CHL1: variants seen among roughly 807,000 people sequenced by gnomAD.
The protein encoded by CHL1 is cell adhesion molecule L1 like, also known as neural cell adhesion molecule L1-like protein.
CHL1 carries 96 observed loss-of-function variants against 141.9 expected under a neutral mutation model. The observed-to-expected ratio is 0.68, with a 90% CI of 0.57 to 0.80. The LOEUF is 0.80. Ranked by LOEUF, CHL1 falls within the 30% of genes least tolerant of loss-of-function variation. The pLI is 0.00. For synonymous variants in CHL1, 613 were observed against 502.2 expected (o/e 1.22, Z -2.95); for missense variants, 1,820 against 1,457.2 (o/e 1.25, Z -4.05).
chr3:391,858 T>C, intron 23 of CHL1, 61 bp downstream of exon 23: 3 of 1,349,244 alleles, frequency 2.2e-6, no homozygotes, highest in Non-Finnish European at 1.0e-6. Flanking sequence ...TTGAATATTC[T>C]CTGTGCTATG....
chr3:275,986 C>G (rs757450732), intron 2 of CHL1, among the ~76,000 whole-genome samples: 82 of 151,852 alleles, frequency 5.4e-4, no homozygotes, highest in Admixed American at 2.8e-3. Flanking sequence ...AAACTTAGAA[C>G]TTGAATGTTT....
At chr3:203,428 C>T (rs1288317664) in intron 1 of CHL1, among the ~76,000 whole-genome samples, 2 of 152,250 alleles carry the variant, frequency 1.3e-5, no homozygotes, top group Admixed American at 6.5e-5. Flanking sequence ...TCTTGAAAGA[C>T]ATATCTTCGC....
At chr3:234,191 G>GTATA (rs72470006) in intron 1 of CHL1, among the ~76,000 whole-genome samples, 437 of 143,620 alleles carry the variant, frequency 3.0e-3, no homozygotes, top group Admixed American at 6.6e-3. Flanking sequence ...ATGTGTGTGT[G>GTATA]TGTATATATA....
At chr3:252,400 A>ATATATT (rs1211678687) in intron 2 of CHL1, among the ~76,000 whole-genome samples, 1 of 138,940 alleles carries the variant, frequency 7.2e-6, no homozygotes, top group Non-Finnish European at 1.6e-5. Context: ...ATATATATAT[A>ATATATT]TTTCTATTTT....
At chr3:314,588 C>T (rs1350320729) in intron 2 of CHL1, among the ~76,000 whole-genome samples, 1 of 151,698 alleles carries the variant, frequency 6.6e-6, no homozygotes, top group Non-Finnish European at 1.5e-5. Flanking sequence ...GTTCAGCTGA[C>T]AGGTTAGTAG....
At chr3:262,956 T>C (rs1311132566) in intron 2 of CHL1, among the ~76,000 whole-genome samples, 1 of 152,192 alleles carries the variant, frequency 6.6e-6, no homozygotes. Context: ...TAGGTATTAA[T>C]CCTTAATGAC....
intron 1 of CHL1, among the ~76,000 whole-genome samples, chr3:210,897 G>T (rs1034876581): frequency 6.6e-6 from 1 of 152,208 alleles, no homozygotes; most frequent in Non-Finnish European, 1.5e-5. Flanking sequence ...AAGTGCCCTG[G>T]TTTTGTCTGG....
rs749904904 is a variant in CHL1 at position 377,877 on chromosome 3, T to C, written c.1811T>C (p.Ile604Thr). Residue 604 changes from isoleucine to threonine, a missense_variant, in exon 16 of 28, where the codon ATT becomes ACT. By Grantham distance (89) the Ile-to-Thr change is moderately conservative (BLOSUM62 -1). Coordinates refer to ENST00000256509, the MANE Select transcript of CHL1 (RefSeq NM_006614.4). Reference protein sequence around the residue: ...ISNVTLEDQGIYCCSAHTALD... With the variant: ...ISNVTLEDQGTYCCSAHTALD... The stretch of plus-strand genomic sequence containing the variant: ...AATGTAACTTTAGAGGACCAAGGTA[T>C]TTACTGCTGTTCAGCTCATACTGCT... 1 of 1,612,512 alleles carries C rather than the reference T, an allele frequency of 6.2e-7. No homozygotes were observed. Among genetic ancestry groups the C allele is most frequent in the African/African-American group, 1.3e-5 (1 of 74,878 alleles).
chr3:228,379 C>G (rs1701554258), intron 1 of CHL1, among the ~76,000 whole-genome samples: 1 of 152,056 alleles, frequency 6.6e-6, no homozygotes, highest in Non-Finnish European at 1.5e-5. Context: ...CTATTTCCTT[C>G]TTAAACTTTG....
intron 6 of CHL1, among the ~76,000 whole-genome samples, chr3:341,435 G>A (rs1702340683): frequency 1.3e-5 from 2 of 152,256 alleles, no homozygotes; most frequent in South Asian, 4.1e-4. Context: ...CCAGACATCA[G>A]TTCCCCTAGA....
chr3:400,699 G>A (rs980043305), intron 26 of CHL1, among the ~76,000 whole-genome samples: 1 of 151,586 alleles, frequency 6.6e-6, no homozygotes, highest in Admixed American at 6.6e-5. Context: ...CTACTCGGGA[G>A]GCTGAGGCAG....
At chr3:320,756 G>C (rs961066320) in intron 3 of CHL1, among the ~76,000 whole-genome samples, 1 of 151,952 alleles carries the variant, frequency 6.6e-6, no homozygotes, top group Non-Finnish European at 1.5e-5. Flanking sequence ...AGTATATCAA[G>C]TCTGCCATGT....
chr3:352,223 G>A (rs150216508), intron 10 of CHL1, among the ~76,000 whole-genome samples: 380 of 152,170 alleles, frequency 2.5e-3, no homozygotes, highest in African/African-American at 8.8e-3. Flanking sequence ...TTTCTAAAAT[G>A]TTGCGATTAA....
At chr3:248,641 T>C (rs1277765700) in intron 2 of CHL1, 2 of 152,158 alleles carry the variant, frequency 1.3e-5, no homozygotes, top group East Asian at 3.9e-4. Context: ...AAGATTTTAA[T>C]AGGCTCAAGC....
intron 2 of CHL1, among the ~76,000 whole-genome samples, chr3:299,931 T>C (rs1255163675): frequency 3.3e-5 from 5 of 152,190 alleles, no homozygotes; most frequent in African/African-American, 7.2e-5. Context: ...AGATTGCAGC[T>C]CCTGGCACCT....
chr3:405,644 G>C lies in CHL1; in HGVS notation c.3608G>C (p.Gly1203Ala), dbSNP rs771416258. ...GGATCATTTATTGGTGCCTACGCTG[G>C]ATCTAAGGAGAAGGGATCTGTTGAA... ...EDGSFIGAYA[G>A]SKEKGSVESN... is the part of the protein sequence containing the mutation. The change falls in exon 28 of 28, where the codon GGA (glycine) becomes GCA (alanine). Residue 1203 changes from glycine to alanine, a missense_variant. By Grantham distance (60) the Gly-to-Ala change is moderately conservative (BLOSUM62 0). Coordinates refer to ENST00000256509, the MANE Select transcript of CHL1 (RefSeq NM_006614.4). 1.1e-5 allele frequency: 17 copies of C among 1,613,402 alleles called. No individual in the cohort carries two copies. Among genetic ancestry groups the C allele is most frequent in the Non-Finnish European group, 1.4e-5 (17 of 1,179,588 alleles).
At chr3:312,894 T>C (rs973146471) in intron 2 of CHL1, among the ~76,000 whole-genome samples, 3 of 152,230 alleles carry the variant, frequency 2.0e-5, no homozygotes, top group Admixed American at 6.5e-5. Context: ...TGTCATAAAA[T>C]ATCTCTTCCT....
rs60937804 is a variant in CHL1, at chr3:279,988, C to T, written c.-95+35296C>T. On this transcript the variant is annotated intron_variant, in intron 2 of 27. Coordinates refer to ENST00000256509, the MANE Select transcript of CHL1 (RefSeq NM_006614.4). ...TAGGAAAATGTAGATCATTTTTTCA[C>T]ACTGAGTATTTTTTAACTGCTGATT... Among the ~76,000 whole-genome samples the T allele has an allele frequency of 1.7e-3, 255 of 151,944 alleles. 1 individual carries two copies. Among genetic ancestry groups the T allele is most frequent in the African/African-American group, 5.8e-3 (241 of 41,288 alleles).
At chr3:199,400 C>A (rs1395144822) in intron 1 of CHL1, among the ~76,000 whole-genome samples, 4 of 152,198 alleles carry the variant, frequency 2.6e-5, no homozygotes, top group Non-Finnish European at 5.9e-5. Flanking sequence ...TGTAGACTTA[C>A]GGATCCTTTT....
Sources: gnomAD v4.1 joint callset for allele counts (sites outside exome capture counted in the v4.1 genomes callset) on GRCh38, gnomAD v4.1.1 for gene constraint, MANE v1.5 for transcripts, NCBI Gene and HGNC (gene_info 2026-07-23, HGNC 2026-07-21) for gene names.